The following EFCAB11 variants were observed in gnomAD, a reference collection of about 807,000 sequenced individuals.
EFCAB11 encodes the protein EF-hand calcium binding domain 11.
EFCAB11 carries 14 observed loss-of-function variants against 23.0 expected under a neutral mutation model. That is an observed-to-expected ratio of 0.61 (90% CI 0.40 to 0.95). The LOEUF (loss-of-function observed/expected upper bound fraction) is 0.95, where lower values mean the gene tolerates loss of function less well. Among genes scored for constraint, EFCAB11 ranks in the 40% least tolerant of loss-of-function variants. The pLI is 0.00. For synonymous variants in EFCAB11, 65 were observed against 66.6 expected (o/e 0.98, Z 0.11); for missense variants, 198 against 195.8 (o/e 1.01, Z -0.07).
intron 5 of EFCAB11, chr14:89,836,577 T>A (rs914893389): frequency 2.2e-6 from 1 of 456,622 alleles, no homozygotes; most frequent in African/African-American, 2.0e-5. Context: ...TACTCCCCTG[T>A]GCCATAGATG....
chr14:89,943,051 TGCCCTGCAAGCTGGGCAGCAACTGG>T (rs1220222183), intron 3 of EFCAB11, among the ~76,000 whole-genome samples: 1 of 152,138 alleles, frequency 6.6e-6, no homozygotes, highest in Non-Finnish European at 1.5e-5. Context: ...AGTCTGACCT[TGCCCTGCAAGCTGGGCAGCAACTGG>T]GCCCTGCAAA....
intron 5 of EFCAB11, among the ~76,000 whole-genome samples, chr14:89,920,937 C>T (rs768495350): frequency 2.2e-4 from 33 of 151,730 alleles, no homozygotes; most frequent in Middle Eastern, 3.2e-3. Flanking sequence ...TAGTGGTGGG[C>T]GCCTGTAATC....
At chr14:89,924,391 T>C in intron 5 of EFCAB11, 1 of 1,202,836 alleles carries the variant, frequency 8.3e-7, no homozygotes, top group Non-Finnish European at 1.0e-6. Context: ...TCTTGGACGC[T>C]GGGTCAGGGC....
At chr14:89,928,170 G>A (rs4293304) in intron 5 of EFCAB11, among the ~76,000 whole-genome samples, 28,699 of 151,964 alleles carry the variant, frequency 0.19, 3,155 homozygotes, top group South Asian at 0.32. Flanking sequence ...CACAACCCTA[G>A]GAAGTACAAG....
intron 5 of EFCAB11, among the ~76,000 whole-genome samples, chr14:89,814,764 C>G (rs1251956744): frequency 1.3e-5 from 2 of 151,996 alleles, no homozygotes; most frequent in Non-Finnish European, 2.9e-5. Flanking sequence ...AATGGAGGCT[C>G]AGATGCACGA....
chr14:89,809,554 G>A (rs963668143), intron 5 of EFCAB11, among the ~76,000 whole-genome samples: 10 of 152,148 alleles, frequency 6.6e-5, no homozygotes, highest in Non-Finnish European at 1.3e-4. Flanking sequence ...TAAAAGGTTC[G>A]TGCCCTTCTA....
chr14:89,931,101 G>A (rs12050183), intron 5 of EFCAB11: 29,130 of 155,244 alleles, frequency 0.19, 3,181 homozygotes, highest in South Asian at 0.32. Flanking sequence ...GGGAACAAGG[G>A]GGCTACCATC....
intron 3 of EFCAB11, 44 bp from the exon 4 acceptor site, chr14:89,932,671 C>T (rs778956986): frequency 2.9e-5 from 42 of 1,454,914 alleles, no homozygotes; most frequent in Non-Finnish European, 3.6e-5. Context: ...TTATTGTCTT[C>T]CTCTTTAAGA....
chr14:89,838,500 A>T (rs928122240), intron 5 of EFCAB11, among the ~76,000 whole-genome samples: 11 of 151,648 alleles, frequency 7.3e-5, no homozygotes, highest in African/African-American at 2.7e-4. Flanking sequence ...AGAAGACACA[A>T]GGGAAAGTGC....
Position 89,918,377 on chromosome 14 carries a change from A to G in EFCAB11, c.410+13164T>C, listed in dbSNP as rs2139780865. 2.6e-5 allele frequency among the ~76,000 whole-genome samples: 4 copies of G among 152,148 alleles called. 1 individual carries two copies. The Middle Eastern group carries it at 0.01, about 388-fold the overall frequency. On this transcript the variant is annotated intron_variant, in intron 5 of 5. Coordinates refer to ENST00000316738, the MANE Select transcript of EFCAB11 (RefSeq NM_145231.4). ...AACATGGTGAAACCCCATCTCTACT[A>G]AAAATACAAAAATTAGCCGGGCATG...
At chr14:89,880,055 G>A (rs973817142) in intron 5 of EFCAB11, among the ~76,000 whole-genome samples, 1 of 152,112 alleles carries the variant, frequency 6.6e-6, no homozygotes, top group Non-Finnish European at 1.5e-5. Context: ...TATTCTAAAT[G>A]TTGTGAGTAT....
chr14:89,824,707 G>A (rs1447545594), intron 5 of EFCAB11, among the ~76,000 whole-genome samples: 2 of 152,008 alleles, frequency 1.3e-5, no homozygotes, highest in Admixed American at 1.3e-4. Flanking sequence ...TCACAGCAAA[G>A]AAAGAATAGC....
At chr14:89,927,816 G>A (rs1374180335) in intron 5 of EFCAB11, among the ~76,000 whole-genome samples, 2 of 152,028 alleles carry the variant, frequency 1.3e-5, no homozygotes, top group Admixed American at 6.6e-5. Context: ...CGACCTCCCG[G>A]GTTCAAGCGA....
At chr14:89,888,206 AT>A (rs1285723308) in intron 5 of EFCAB11, among the ~76,000 whole-genome samples, 1 of 152,242 alleles carries the variant, frequency 6.6e-6, no homozygotes, top group Non-Finnish European at 1.5e-5. Context: ...TTGGAAGGTA[AT>A]TAGGTCATAA....
Position 89,797,210 on chromosome 14 carries a change from C to A in EFCAB11, c.*33G>T. 1.3e-6 allele frequency: 2 copies of A among 1,561,780 alleles called. No individual in the cohort carries two copies. Among genetic ancestry groups the A allele is most frequent in the South Asian group, 2.2e-5 (2 of 89,150 alleles). ...TCTGCTGACATTACAATCTATTGATCTCCCCAGAGTTACCAAAAGTAGTTC... is the reference window on the plus strand; with the variant it reads ...TCTGCTGACATTACAATCTATTGATATCCCCAGAGTTACCAAAAGTAGTTC... On this transcript the variant is annotated 3_prime_UTR_variant, in exon 6 of 6. Transcript: ENST00000316738.
chr14:89,857,704 G>A (rs1887797636), intron 5 of EFCAB11, among the ~76,000 whole-genome samples: 1 of 152,180 alleles, frequency 6.6e-6, no homozygotes, highest in African/African-American at 2.4e-5. Flanking sequence ...AAACTGGGCA[G>A]CTTTCTTAAA....
intron 5 of EFCAB11, chr14:89,829,742 TA>T (rs1269050110): frequency 6.6e-6 from 1 of 152,218 alleles, no homozygotes; most frequent in Non-Finnish European, 1.5e-5. Context: ...GTAACAATTT[TA>T]AATGACATAG....
chr14:89,895,889 G>A (rs529949349), intron 5 of EFCAB11, among the ~76,000 whole-genome samples: 1 of 152,118 alleles, frequency 6.6e-6, no homozygotes, highest in Admixed American at 6.5e-5. Context: ...TAACTAGACC[G>A]AATATTTGTA....
At chr14:89,864,956 T>C (rs953312791) in intron 5 of EFCAB11, among the ~76,000 whole-genome samples, 4 of 152,188 alleles carry the variant, frequency 2.6e-5, no homozygotes, top group Non-Finnish European at 5.9e-5. Flanking sequence ...CTCAGATTAT[T>C]AGATACTCCT....
Sources: allele counts gnomAD v4.1 joint callset (sites outside exome capture counted in the v4.1 genomes callset), GRCh38; gene constraint gnomAD v4.1.1; transcripts MANE v1.5; gene names NCBI Gene and HGNC (gene_info 2026-07-23, HGNC 2026-07-21).